Variants in VPS37C observed in about 807,000 individuals in gnomAD.
VPS37C encodes VPS37C subunit of ESCRT-I, also known as vacuolar protein sorting-associated protein 37C.
In VPS37C, 9 loss-of-function variants were observed where a neutral mutation model predicts 16.1. The observed-to-expected ratio is 0.56, with a 90% CI of 0.34 to 0.97. The LOEUF (loss-of-function observed/expected upper bound fraction) is 0.97, where lower values mean the gene tolerates loss of function less well. Among genes scored for constraint, VPS37C ranks in the 50% least tolerant of loss-of-function variants. The probability of loss-of-function intolerance (pLI) is 0.02; values close to 1 mark genes in which losing one functional copy is unlikely to be tolerated. For synonymous variants in VPS37C, 207 were observed against 206.4 expected, an observed-to-expected ratio of 1.00 and a Z score of -0.02; for missense variants, 479 against 472.7, an observed-to-expected ratio of 1.01 and a Z score of -0.12.
At chr11:61,132,896 G>A (rs889559150) in intron 4 of VPS37C, 6 of 526,136 alleles carry the variant, frequency 1.1e-5, no homozygotes, top group African/African-American at 5.7e-5. Flanking sequence ...GACACAGAGT[G>A]GACAGCACCA....
rs760848086 is a variant in VPS37C at position 61,133,094 on chromosome 11, C to T, written c.348+161G>A. Reference sequence around the variant, plus strand: ...TGGGACTGGGTTCCTGTTATTTATACCCAAAAGGCCTCCCCAGGACTAAAG... The same window carrying T: ...TGGGACTGGGTTCCTGTTATTTATATCCAAAAGGCCTCCCCAGGACTAAAG... On this transcript the variant is annotated intron_variant, in intron 4 of 4. Coordinates refer to ENST00000301765, the MANE Select transcript of VPS37C (RefSeq NM_017966.5). 4.7e-4 allele frequency: 376 copies of T among 797,606 alleles called. 3 individuals are homozygous for T. Among genetic ancestry groups the T allele is most frequent in the South Asian group, 1.0e-3 (70 of 68,680 alleles). 49.4% of individuals were successfully genotyped at this position (797,606 alleles called of 1,614,324 possible).
chr11:61,136,242 T>C (rs1861371499), intron 2 of VPS37C, among the ~76,000 whole-genome samples: 1 of 151,082 alleles, frequency 6.6e-6, no homozygotes, highest in Non-Finnish European at 1.5e-5. Context: ...CTCGGCTCAC[T>C]TCAACCTCTG....
chr11:61,134,866 AC>A (rs1812130943), intron 2 of VPS37C, among the ~76,000 whole-genome samples: 2 of 152,156 alleles, frequency 1.3e-5, no homozygotes, highest in South Asian at 4.2e-4. Context: ...GCGGCACTTT[AC>A]CCCTCTGCCA....
intron 1 of VPS37C, among the ~76,000 whole-genome samples, chr11:61,150,844 G>A (rs553839449): frequency 3.3e-4 from 51 of 152,246 alleles, no homozygotes; most frequent in Admixed American, 3.1e-3. Context: ...ACCGCCTCCT[G>A]CCCAGTTGCC....
intron 1 of VPS37C, among the ~76,000 whole-genome samples, chr11:61,157,960 G>A (rs1272496821): frequency 6.6e-6 from 1 of 152,296 alleles, no homozygotes; most frequent in East Asian, 1.9e-4. Flanking sequence ...GTGGCTGTGT[G>A]ACACACCTGT....
intron 1 of VPS37C, among the ~76,000 whole-genome samples, chr11:61,141,631 T>A (rs942130081): frequency 6.6e-6 from 1 of 152,172 alleles, no homozygotes; most frequent in Admixed American, 6.5e-5. Context: ...GAGCCTTGAA[T>A]TCTTCACCTG....
chr11:61,146,728 T>C (rs797003349), intron 1 of VPS37C, among the ~76,000 whole-genome samples: 12 of 152,326 alleles, frequency 7.9e-5, no homozygotes, highest in African/African-American at 2.6e-4. Flanking sequence ...CCAGTCTGCG[T>C]TCCTTGCACA....
At chr11:61,147,451 T>C (rs541975064) in intron 1 of VPS37C, among the ~76,000 whole-genome samples, 2 of 152,288 alleles carry the variant, frequency 1.3e-5, no homozygotes, top group East Asian at 1.9e-4. Flanking sequence ...TGGTAAAAGA[T>C]AGCACAGGGC....
chr11:61,131,948 G>T lies in VPS37C; in HGVS notation c.940C>A (p.Gln314Lys), dbSNP rs373616362. Reference sequence around the variant, plus strand: ...CCTGGAAAGCTGGGGAGCTGAGGCTGTATTGGGTAGGGAGGTTTTCCTCCT... The same window carrying T: ...CCTGGAAAGCTGGGGAGCTGAGGCTTTATTGGGTAGGGAGGTTTTCCTCCT... ...ATGGKPPYPI[Q>K]PQLPSFPGQP... The change falls in exon 5 of 5, where the codon CAG (glutamine) becomes AAG (lysine). Residue 314 changes from glutamine (Q) to lysine (K), a missense_variant. By Grantham distance (53) the Gln-to-Lys change is moderately conservative (BLOSUM62 1). Transcript: ENST00000301765. The T allele has an allele frequency of 2.5e-5, 33 of 1,305,376 alleles. No individual in the cohort carries two copies. The highest frequency in any genetic ancestry group is 4.6e-5 in the African/African-American group (3 of 64,902). The allele number at this position is 1,305,376 out of a possible 1,614,324, so 80.9% of individuals were successfully genotyped here. A position where few individuals can be genotyped will look rare whatever the true frequency, so the allele number is the denominator to read the frequency against.
At chr11:61,137,281 A>C (rs768325181) in intron 2 of VPS37C, among the ~76,000 whole-genome samples, 1 of 152,122 alleles carries the variant, frequency 6.6e-6, no homozygotes, top group Non-Finnish European at 1.5e-5. Flanking sequence ...GCCCACGATA[A>C]AAAAGTTTGC....
chr11:61,144,376 CA>C (rs990251740), intron 1 of VPS37C: 3 of 152,218 alleles, frequency 2.0e-5, no homozygotes, highest in Non-Finnish European at 4.4e-5. Context: ...TGGGGGAACT[CA>C]GGGGGAGGCA....
chr11:61,138,500 G>T (rs1861420115), intron 2 of VPS37C: 2 of 521,260 alleles, frequency 3.8e-6, no homozygotes, highest in Non-Finnish European at 6.9e-6. Context: ...GGGGACTCCT[G>T]GGGTATCTGG....
Position 61,130,422 on chromosome 11 carries a change from G to C in VPS37C, c.*1398C>G, listed in dbSNP as rs569583530. On this transcript the variant is annotated 3_prime_UTR_variant, in exon 5 of 5. Transcript: ENST00000301765. Reference sequence around the variant, plus strand: ...GTAAAGAACCGGCAGCGCTGACCTAGCGTCACGCGGATGGCACATAGGCCG... The same window carrying C: ...GTAAAGAACCGGCAGCGCTGACCTACCGTCACGCGGATGGCACATAGGCCG... 2 of 172,640 alleles carry C rather than the reference G, an allele frequency of 1.2e-5. No individual in the cohort carries two copies. The highest frequency in any genetic ancestry group is 2.4e-4 in the South Asian group (2 of 8,242). 10.7% of individuals were successfully genotyped at this position (172,640 alleles called of 1,614,324 possible).
chr11:61,146,497 G>A (rs1206997848), intron 1 of VPS37C, among the ~76,000 whole-genome samples: 3 of 152,264 alleles, frequency 2.0e-5, no homozygotes, highest in African/African-American at 7.2e-5. Flanking sequence ...GGCCTGGAAA[G>A]CTTGGCCACA....
chr11:61,133,927 G>A, intron 3 of VPS37C, 109 bp downstream of exon 3: 1 of 1,327,978 alleles, frequency 7.5e-7, no homozygotes, highest in South Asian at 1.5e-5. Context: ...ACCCTTCTAT[G>A]GCTGTTGTGA....
intron 2 of VPS37C, 50 bp from the exon 3 acceptor site, chr11:61,134,257 C>T (rs1409529180): frequency 2.5e-6 from 4 of 1,572,726 alleles, no homozygotes; most frequent in Non-Finnish European, 3.5e-6. Context: ...TCACCCTTAA[C>T]CTCCTGGCAG....
At chr11:61,154,685 T>G (rs1853352641) in intron 1 of VPS37C, among the ~76,000 whole-genome samples, 1 of 152,006 alleles carries the variant, frequency 6.6e-6, no homozygotes, top group Non-Finnish European at 1.5e-5. Context: ...ACTGAAAAAT[T>G]TCCAAATCTG....
intron 2 of VPS37C, chr11:61,138,085 C>G (rs947123853): frequency 2.0e-5 from 3 of 152,328 alleles, no homozygotes; most frequent in Non-Finnish European, 4.4e-5. Flanking sequence ...GTATAGGAAG[C>G]GGGAGCTTCC....
intron 4 of VPS37C, chr11:61,132,920 G>A: frequency 1.9e-6 from 1 of 526,954 alleles, no homozygotes; most frequent in Non-Finnish European, 3.4e-6. Context: ...TGCCCACAGA[G>A]GCTGAAGAGG....
Sources: allele counts gnomAD v4.1 joint callset (sites outside exome capture counted in the v4.1 genomes callset), GRCh38; gene constraint gnomAD v4.1.1; transcripts MANE v1.5; gene names NCBI Gene and HGNC (gene_info 2026-07-23, HGNC 2026-07-21).